The following ELMOD2 variants were observed in gnomAD, a reference collection of about 807,000 sequenced individuals.
The protein encoded by ELMOD2 is ELMO domain-containing protein 2.
A neutral mutation model predicts 41.0 loss-of-function variants in ELMOD2; 28 were observed. The observed-to-expected ratio is 0.68, with a 90% CI of 0.51 to 0.94. ELMOD2 has a LOEUF of 0.94. Ranked by LOEUF, ELMOD2 falls within the 40% of genes least tolerant of loss-of-function variation. The pLI, the probability that ELMOD2 is intolerant of heterozygous loss-of-function variation, is 0.00. For missense variants in ELMOD2, 333 were observed against 343.1 expected (o/e 0.97, Z 0.23); for synonymous variants, 106 against 107.2 (o/e 0.99, Z 0.07).
intron 3 of ELMOD2, among the ~76,000 whole-genome samples, chr4:140,533,167 A>G (rs1193497010): frequency 6.6e-6 from 1 of 152,202 alleles, no homozygotes; most frequent in African/African-American, 2.4e-5. Context: ...CTATGGATTC[A>G]ATGCAGTTCC....
intron 6 of ELMOD2, among the ~76,000 whole-genome samples, chr4:140,541,413 AGTT>A (rs1401470598): frequency 6.6e-6 from 1 of 152,166 alleles, no homozygotes; most frequent in East Asian, 1.9e-4. Flanking sequence ...GGAAATTAAA[AGTT>A]GTTCTATATT....
At chr4:140,529,449 T>A (rs1734671144) in intron 3 of ELMOD2, among the ~76,000 whole-genome samples, 1 of 152,174 alleles carries the variant, frequency 6.6e-6, no homozygotes, top group Non-Finnish European at 1.5e-5. Context: ...ATACCCACAA[T>A]CCCAGCTTCC....
intron 6 of ELMOD2, among the ~76,000 whole-genome samples, chr4:140,541,679 A>ATTTTTTTG: frequency 6.6e-6 from 1 of 152,126 alleles, no homozygotes; most frequent in South Asian, 2.1e-4. Context: ...GAAAAAGTCC[A>ATTTTTTTG]TAATGTAAGA....
At chr4:140,542,498 G>C (rs969604144) in intron 6 of ELMOD2, 76 bp from the exon 7 acceptor site, 6 of 1,096,070 alleles carry the variant, frequency 5.5e-6, no homozygotes, top group Middle Eastern at 2.5e-4. Context: ...TTTGACAGTA[G>C]CTTTTTAAAT....
chr4:140,540,875 C>T (rs1285714127), intron 6 of ELMOD2, among the ~76,000 whole-genome samples: 1 of 152,018 alleles, frequency 6.6e-6, no homozygotes, highest in East Asian at 1.9e-4. Flanking sequence ...TATGCTCCTA[C>T]TGCCTTTATT....
intron 2 of ELMOD2, 137 bp from the exon 3 acceptor site, chr4:140,527,329 T>C: frequency 1.4e-6 from 1 of 739,664 alleles, no homozygotes; most frequent in Non-Finnish European, 2.3e-6. Flanking sequence ...TTAAAATGCT[T>C]CCTGTTATAT....
At chr4:140,545,782 T>G (rs1264413344) in intron 8 of ELMOD2, among the ~76,000 whole-genome samples, 2 of 152,040 alleles carry the variant, frequency 1.3e-5, no homozygotes, top group African/African-American at 2.4e-5. Context: ...ATAACATAAA[T>G]GAGATATCAT....
Position 140,552,247 on chromosome 4 carries a change from T to C in ELMOD2, c.*1872T>C, listed in dbSNP as rs1356761224. 6.6e-6 allele frequency: 1 copy of C among 152,056 alleles called. No individual in the cohort carries two copies. Among genetic ancestry groups the C allele is most frequent in the African/African-American group, 2.4e-5 (1 of 41,442 alleles). The allele number at this position is 152,056 out of a possible 1,614,324, so 9.4% of individuals were successfully genotyped here. A position where few individuals can be genotyped will look rare whatever the true frequency, so the allele number is the denominator to read the frequency against. ...AAACATTTGTCAATATACTTAAGAA[T>C]GCTTTAAGTAAAGAAGGGGAAAATT... On this transcript the variant is annotated 3_prime_UTR_variant, in exon 9 of 9. Coordinates refer to ENST00000323570, the MANE Select transcript of ELMOD2 (RefSeq NM_153702.4).
intron 3 of ELMOD2, among the ~76,000 whole-genome samples, chr4:140,528,965 G>C (rs1256470307): frequency 6.6e-6 from 1 of 152,156 alleles, no homozygotes; most frequent in Admixed American, 6.5e-5. Flanking sequence ...TTGAAACATA[G>C]GATGCAGTTT....
rs1553962013 is a variant in ELMOD2, at chr4:140,540,317, C to T, written c.533+16C>T. The T allele has an allele frequency of 6.2e-7, 1 of 1,609,826 alleles. No individual in the cohort carries two copies. The highest frequency in any genetic ancestry group is 1.1e-5 in the South Asian group (1 of 90,564). Reference sequence around the variant, plus strand: ...TCAATCTTGTGTAAGTGAAAGTAAACTTTCTTTTCTTCCCTAAATGAAATT... The same window carrying T: ...TCAATCTTGTGTAAGTGAAAGTAAATTTTCTTTTCTTCCCTAAATGAAATT... On this transcript the variant is annotated intron_variant, in intron 6 of 8. Transcript: ENST00000323570.
Position 140,550,226 on chromosome 4 carries a change from G to A in ELMOD2, c.737-4G>A. 1 of 1,605,330 alleles carries A rather than the reference G, an allele frequency of 6.2e-7. No individual in the cohort carries two copies. Among genetic ancestry groups the A allele is most frequent in the Non-Finnish European group, 8.5e-7 (1 of 1,175,318 alleles). On this transcript the variant is annotated splice_region_variant and splice_polypyrimidine_tract_variant and intron_variant, in intron 8 of 8. Coordinates refer to ENST00000323570, the MANE Select transcript of ELMOD2 (RefSeq NM_153702.4). ...TTAAATGTTTTGTTTTTCTTTAACT[G>A]CAGGTTATCTTGTCTATGAATTTGA...
At chr4:140,531,273 C>A (rs1734737009) in intron 3 of ELMOD2, among the ~76,000 whole-genome samples, 2 of 152,052 alleles carry the variant, frequency 1.3e-5, no homozygotes, top group Admixed American at 6.6e-5. Context: ...AGTGTGCATT[C>A]TTTCTTTGTT....
Position 140,551,942 on chromosome 4 carries a change from T to G in ELMOD2, c.*1567T>G, listed in dbSNP as rs1735480936. ...ATTTTAAAAATTTGGTTCACTTTAT[T>G]ACAATAGTGGCAATTTAGCTTTTCA... On this transcript the variant is annotated 3_prime_UTR_variant, in exon 9 of 9. Transcript: ENST00000323570. The G allele has an allele frequency of 6.6e-6, 1 of 152,102 alleles. No individual in the cohort carries two copies. The highest frequency in any genetic ancestry group is 6.5e-5 in the Admixed American group (1 of 15,274). The allele number at this position is 152,102 out of a possible 1,614,324, so 9.4% of individuals were successfully genotyped here. A position where few individuals can be genotyped will look rare whatever the true frequency, so the allele number is the denominator to read the frequency against.
chr4:140,537,864 G>C (rs1030438178), intron 5 of ELMOD2, among the ~76,000 whole-genome samples: 1 of 151,406 alleles, frequency 6.6e-6, no homozygotes, highest in African/African-American at 2.4e-5. Context: ...AAAAGTATAT[G>C]TCTACAAGTT....
chr4:140,532,172 T>TG (rs1734771183), intron 3 of ELMOD2, among the ~76,000 whole-genome samples: 1 of 151,662 alleles, frequency 6.6e-6, no homozygotes, highest in Admixed American at 6.6e-5. Flanking sequence ...AGTTGTTTTT[T>TG]TTTTTTTTTT....
intron 8 of ELMOD2, among the ~76,000 whole-genome samples, chr4:140,545,885 A>G (rs866563967): frequency 4.6e-5 from 7 of 152,080 alleles, no homozygotes; most frequent in South Asian, 2.1e-4. Context: ...TACACTGTTG[A>G]TGGGACTGTA....
At chr4:140,541,026 C>A (rs979797132) in intron 6 of ELMOD2, among the ~76,000 whole-genome samples, 1 of 152,162 alleles carries the variant, frequency 6.6e-6, no homozygotes, top group African/African-American at 2.4e-5. Context: ...TATAGACTAC[C>A]GTATGAACTT....
intron 8 of ELMOD2, among the ~76,000 whole-genome samples, chr4:140,547,032 T>C (rs1735313117): frequency 6.6e-6 from 1 of 152,172 alleles, no homozygotes; most frequent in Non-Finnish European, 1.5e-5. Context: ...CCCATTACCA[T>C]TGGAAGTTTC....
rs1735492445 is a variant in ELMOD2, at chr4:140,552,443, C to T, written c.*2068C>T. On this transcript the variant is annotated 3_prime_UTR_variant, in exon 9 of 9. Coordinates refer to ENST00000323570, the MANE Select transcript of ELMOD2 (RefSeq NM_153702.4). ...GCAACCATTTCAGATAGTTTTACAG[C>T]AAATTGATCTAAAAGCCACTAATAA... 1 of 151,986 alleles carries T rather than the reference C, an allele frequency of 6.6e-6. No individual in the cohort carries two copies. The highest frequency in any genetic ancestry group is 1.5e-5 in the Non-Finnish European group (1 of 67,932). The allele number at this position is 151,986 out of a possible 1,614,324, so 9.4% of individuals were successfully genotyped here.
Sources: gnomAD v4.1 joint callset for allele counts (sites outside exome capture counted in the v4.1 genomes callset) on GRCh38, gnomAD v4.1.1 for gene constraint, MANE v1.5 for transcripts, NCBI Gene and HGNC (gene_info 2026-07-23, HGNC 2026-07-21) for gene names.